ERAP1: variants seen among roughly 807,000 people sequenced by gnomAD.
ERAP1 encodes endoplasmic reticulum aminopeptidase 1, also known as adipocyte-derived leucine aminopeptidase.
ERAP1 carries 86 observed loss-of-function variants against 103.7 expected under a neutral mutation model. The ratio of observed to expected loss-of-function variants is 0.83; its 90% CI spans 0.70 to 0.99. The LOEUF (loss-of-function observed/expected upper bound fraction) is 0.99, where lower values mean the gene tolerates loss of function less well. Among genes scored for constraint, ERAP1 ranks in the 50% least tolerant of loss-of-function variants. The pLI is 0.00. For synonymous variants in ERAP1, 398 were observed against 402.4 expected (o/e 0.99, Z 0.13); for missense variants, 1,009 against 1,128.4 (o/e 0.89, Z 1.52).
At position 96,775,976 on chromosome 5, in the gene ERAP1, A is replaced by G; in HGVS notation, c.*420T>C. 1 of 1,066,316 alleles carries G rather than the reference A, an allele frequency of 9.4e-7. No individual in the cohort carries two copies. The allele number at this position is 1,066,316 out of a possible 1,614,324, so 66.1% of individuals were successfully genotyped here. ...GAGCCGGGAGAGCTTTAACCCAGTC[A>G]TCGTCCGGCTTAGTCTCAGATCCAG... On this transcript the variant is annotated 3_prime_UTR_variant, in exon 19 of 19. Coordinates refer to ENST00000443439, the MANE Select transcript of ERAP1 (RefSeq NM_001040458.3).
chr5:96,829,660 G>A, the ERAP1 span, among the ~76,000 whole-genome samples: 3 of 152,012 alleles, frequency 2.0e-5, no homozygotes, highest in Admixed American at 2.0e-4. Flanking sequence ...TACAACATGC[G>A]GTTTAGTTTC....
At chr5:96,922,216 C>T in the ERAP1 span, among the ~76,000 whole-genome samples, 10 of 152,062 alleles carry the variant, frequency 6.6e-5, no homozygotes, top group East Asian at 1.9e-4. Context: ...GAGAATGGCA[C>T]GAACCCGGGA....
In ERAP1 at chr5:96,800,929, A is replaced by C. The variant is rs146396644; in HGVS notation, c.596T>G (p.Phe199Cys). The change falls in exon 3 of 19, where the codon TTC becomes TGC. Residue 199 changes from phenylalanine to cysteine, a missense_variant. This residue lies in a region of ERAP1 where 392 missense variants were observed against 455.2 expected (regional missense o/e 0.86). Coordinates refer to ENST00000443439, the MANE Select transcript of ERAP1 (RefSeq NM_001040458.3). ...AATTTTGATTGAGAAACTTGCTTTG[A>C]AGGCAGGTTCATCAAAGCAGGGAAA... ...MAFPCFDEPA[F>C]KASFSIKIRR... 3.7e-6 allele frequency: 6 copies of C among 1,614,058 alleles called. No homozygotes were observed. In the African/African-American group the frequency reaches 8.0e-5, roughly 22 times the overall value.
At chr5:96,780,977 G>C in intron 17 of ERAP1, 81 bp downstream of exon 17, 1 of 1,526,928 alleles carries the variant, frequency 6.5e-7, no homozygotes, top group African/African-American at 1.4e-5. Context: ...GACTGTTACT[G>C]TTCTTTTACA....
At chr5:96,935,230 C>CGCGACCCGGGCCGG in the ERAP1 span, 1 of 152,282 alleles carries the variant, frequency 6.6e-6, no homozygotes, top group Non-Finnish European at 1.5e-5. Flanking sequence ...CTGCGGCGCC[C>CGCGACCCGGGCCGG]GCGACCCGGG....
At chr5:96,831,055 T>C in the ERAP1 span, among the ~76,000 whole-genome samples, 1 of 152,178 alleles carries the variant, frequency 6.6e-6, no homozygotes, top group Non-Finnish European at 1.5e-5. Context: ...ACTGGGTATT[T>C]ATAAAGAAAA....
At chr5:96,839,614 G>A in the ERAP1 span, among the ~76,000 whole-genome samples, 317 of 152,164 alleles carry the variant, frequency 2.1e-3, 2 homozygotes, top group African/African-American at 7.4e-3. Context: ...ATATCGACAC[G>A]GTCCACAGGG....
exon 20 of ERAP1, chr5:96,762,168 G>C: frequency 1.7e-6 from 1 of 579,816 alleles, no homozygotes. Flanking sequence ...TTGGTCAAGA[G>C]AATAAACAGT....
intron 15 of ERAP1, among the ~76,000 whole-genome samples, chr5:96,782,262 G>C (rs1283440556): frequency 6.6e-6 from 1 of 151,968 alleles, no homozygotes; most frequent in East Asian, 1.9e-4. Flanking sequence ...ACCCACCTCA[G>C]CCTCCCAAAG....
At chr5:96,842,561 A>G in the ERAP1 span, among the ~76,000 whole-genome samples, 1 of 152,120 alleles carries the variant, frequency 6.6e-6, no homozygotes, top group East Asian at 1.9e-4. Flanking sequence ...ATTTTTTCAT[A>G]TATTTGTTGG....
intron 16 of ERAP1, among the ~76,000 whole-genome samples, chr5:96,781,488 C>T (rs1017526594): frequency 1.3e-5 from 2 of 152,096 alleles, no homozygotes; most frequent in Non-Finnish European, 2.9e-5. Flanking sequence ...TTTAAAGATG[C>T]ACAAATGTAT....
chr5:96,912,475 C>T, the ERAP1 span, among the ~76,000 whole-genome samples: 181 of 152,090 alleles, frequency 1.2e-3, no homozygotes, highest in African/African-American at 4.2e-3. Flanking sequence ...AGAGTAAAAG[C>T]ACATAAAATA....
the ERAP1 span, among the ~76,000 whole-genome samples, chr5:96,828,768 G>GA: frequency 2.6e-5 from 4 of 151,864 alleles, no homozygotes; most frequent in South Asian, 2.1e-4. Context: ...GAGAAGGTCA[G>GA]AAAAAAATAT....
At chr5:96,840,501 A>G in the ERAP1 span, among the ~76,000 whole-genome samples, 1 of 152,204 alleles carries the variant, frequency 6.6e-6, no homozygotes, top group African/African-American at 2.4e-5. Context: ...CTACCAAGAA[A>G]AAGATGATTG....
At chr5:96,845,975 TC>T in the ERAP1 span, among the ~76,000 whole-genome samples, 2 of 152,174 alleles carry the variant, frequency 1.3e-5, no homozygotes, top group South Asian at 4.1e-4. Flanking sequence ...CATAATTTAA[TC>T]CCTAGAGGAC....
chr5:96,845,189 C>A, the ERAP1 span, among the ~76,000 whole-genome samples: 1,861 of 152,028 alleles, frequency 0.012, 45 homozygotes, highest in African/African-American at 0.042. Flanking sequence ...TATAAAATTA[C>A]AATCATTTGT....
intron 4 of ERAP1, among the ~76,000 whole-genome samples, chr5:96,796,414 G>C (rs1416922589): frequency 6.6e-6 from 1 of 152,122 alleles, no homozygotes; most frequent in Non-Finnish European, 1.5e-5. Flanking sequence ...AAAGCCTTTG[G>C]GTATTCCAAG....
At chr5:96,855,909 C>A in the ERAP1 span, among the ~76,000 whole-genome samples, 5 of 152,034 alleles carry the variant, frequency 3.3e-5, no homozygotes, top group Non-Finnish European at 1.5e-5. Context: ...TATGTGTGAG[C>A]CTTGTTAACT....
chr5:96,874,194 G>T, the ERAP1 span, among the ~76,000 whole-genome samples: 1 of 150,858 alleles, frequency 6.6e-6, no homozygotes, highest in Non-Finnish European at 1.5e-5. Context: ...GAGAGAGAAA[G>T]AAGAAAGAAA....
Sources: allele counts gnomAD v4.1 joint callset (sites outside exome capture counted in the v4.1 genomes callset), GRCh38; gene constraint gnomAD v4.1.1; regional missense constraint gnomAD v4.1.1; transcripts MANE v1.5; gene names NCBI Gene and HGNC (gene_info 2026-07-23, HGNC 2026-07-21).